Variants in FAM171A1 observed in about 807,000 individuals in gnomAD.
FAM171A1 encodes the protein family with sequence similarity 171 member A1.
Under a neutral mutation model 74.9 loss-of-function variants are expected in FAM171A1, and 23 were observed. The ratio of observed to expected loss-of-function variants is 0.31; its 90% CI spans 0.22 to 0.44. The LOEUF (loss-of-function observed/expected upper bound fraction) is 0.44, where lower values mean the gene tolerates loss of function less well. Among genes scored for constraint, FAM171A1 ranks in the 20% least tolerant of loss-of-function variants. The pLI, the probability that FAM171A1 is intolerant of heterozygous loss-of-function variation, is 1.00. For missense variants in FAM171A1, 1,162 were observed against 1,159.2 expected, an observed-to-expected ratio of 1.00 and a Z score of -0.03; for synonymous variants, 527 against 505.7, an observed-to-expected ratio of 1.04 and a Z score of -0.57.
chr10:15,275,071 G>A (rs10906879), intron 3 of FAM171A1, among the ~76,000 whole-genome samples: 44,871 of 151,870 alleles, frequency 0.3, 7,907 homozygotes, highest in East Asian at 0.57. Flanking sequence ...TTGGACACAG[G>A]GTGGGAAACA....
intron 1 of FAM171A1, among the ~76,000 whole-genome samples, chr10:15,343,266 G>A (rs11598176): frequency 0.43 from 64,674 of 152,028 alleles, 13,981 homozygotes; most frequent in Non-Finnish European, 0.49. Flanking sequence ...TTACACAGGG[G>A]GCTGAGGTGG....
rs373999549 is a variant in FAM171A1 at position 15,292,781 on chromosome 10, G to A, written c.98-8676C>T. Among the ~76,000 whole-genome samples, 13 of 152,020 alleles carry A rather than the reference G, an allele frequency of 8.6e-5. No individual in the cohort carries two copies. In the East Asian group the frequency reaches 2.1e-3, roughly 25 times the overall value. On this transcript the variant is annotated intron_variant, in intron 1 of 7. Transcript: ENST00000378116. ...GATTACAGGGGTGAGCCACTGCACC[G>A]ACCACCATAAATATTCCCACTTAAA...
At chr10:15,333,439 G>A (rs1373650023) in intron 1 of FAM171A1, among the ~76,000 whole-genome samples, 2 of 152,246 alleles carry the variant, frequency 1.3e-5, no homozygotes, top group Admixed American at 1.3e-4. Flanking sequence ...GGCGGAGGGT[G>A]CAGTGAGCTG....
intron 1 of FAM171A1, among the ~76,000 whole-genome samples, chr10:15,347,704 TG>T (rs1835832328): frequency 6.6e-6 from 1 of 151,710 alleles, no homozygotes; most frequent in African/African-American, 2.4e-5. Flanking sequence ...GGCGTGGTGG[TG>T]CGCACCTGTA....
chr10:15,348,691 G>A (rs951139784), intron 1 of FAM171A1, among the ~76,000 whole-genome samples: 6 of 152,120 alleles, frequency 3.9e-5, no homozygotes, highest in Admixed American at 6.6e-5. Context: ...AGCCTCTCAG[G>A]GGCCACACGG....
At chr10:15,238,657 G>C (rs771327147) in intron 5 of FAM171A1, among the ~76,000 whole-genome samples, 2 of 152,076 alleles carry the variant, frequency 1.3e-5, no homozygotes, top group African/African-American at 4.8e-5. Context: ...TGTCATAGCC[G>C]TAACATTCAC....
chr10:15,366,690 T>C lies in FAM171A1; in HGVS notation c.97+4266A>G, dbSNP rs186496361. ...CTCCTCTCTCTAGATCTCTGAAATA[T>C]GCTTTATTCAATTTTTTCTTCATGA... On this transcript the variant is annotated intron_variant, in intron 1 of 7. Coordinates refer to ENST00000378116, the MANE Select transcript of FAM171A1 (RefSeq NM_001010924.2). 4.7e-4 allele frequency among the ~76,000 whole-genome samples: 71 copies of C among 152,374 alleles called. 1 individual carries two copies. In the East Asian group the frequency reaches 0.012, roughly 26 times the overall value.
chr10:15,218,246 A>AT (rs1833992466), intron 6 of FAM171A1, among the ~76,000 whole-genome samples: 1 of 151,400 alleles, frequency 6.6e-6, no homozygotes, highest in Non-Finnish European at 1.5e-5. Flanking sequence ...TGCCTGGCAA[A>AT]TTTTTTGTAT....
intron 3 of FAM171A1, among the ~76,000 whole-genome samples, chr10:15,267,091 C>G (rs1292226568): frequency 2.0e-5 from 3 of 152,174 alleles, no homozygotes; most frequent in African/African-American, 7.2e-5. Flanking sequence ...CTTCCGAAAT[C>G]TGGCTCCAAT....
At position 15,248,656 on chromosome 10, in the gene FAM171A1, C is replaced by A. The variant is rs745903649; in HGVS notation, c.737G>T (p.Arg246Leu). The stretch of plus-strand genomic sequence containing the variant: ...TTGCTTACCCAGCTTCTGGTCAAAC[C>A]GCCACGCCGCGACATAGGCATTGTG... ...LRHNAYVAAW[R>L]FDQKLGTWLK... The change falls in exon 5 of 8, where the codon CGG becomes CTG. Residue 246 changes from arginine to leucine, a missense_variant. Physicochemically the swap from Arg to Leu is moderately radical, Grantham distance 102. Transcript: ENST00000378116. 6.2e-7 allele frequency: 1 copy of A among 1,607,556 alleles called. No individual in the cohort carries two copies. The highest frequency in any genetic ancestry group is 8.5e-7 in the Non-Finnish European group (1 of 1,176,948).
At chr10:15,301,172 T>C (rs1289705671) in intron 1 of FAM171A1, among the ~76,000 whole-genome samples, 1 of 152,060 alleles carries the variant, frequency 6.6e-6, no homozygotes, top group Non-Finnish European at 1.5e-5. Flanking sequence ...GCTATCTCTT[T>C]AAGGATGTTT....
intron 5 of FAM171A1, among the ~76,000 whole-genome samples, chr10:15,242,190 G>C (rs1834372006): frequency 6.6e-6 from 1 of 151,846 alleles, no homozygotes; most frequent in Non-Finnish European, 1.5e-5. Flanking sequence ...TTTTTTTCCT[G>C]ATCTAATACC....
intron 6 of FAM171A1, among the ~76,000 whole-genome samples, chr10:15,220,090 C>T (rs1834018253): frequency 6.6e-6 from 1 of 152,198 alleles, no homozygotes; most frequent in African/African-American, 2.4e-5. Flanking sequence ...GGTTCATTTA[C>T]AAGAGACACC....
At chr10:15,354,676 A>G (rs1465288991) in intron 1 of FAM171A1, among the ~76,000 whole-genome samples, 1 of 152,200 alleles carries the variant, frequency 6.6e-6, no homozygotes, top group African/African-American at 2.4e-5. Flanking sequence ...GCTCCCGCTG[A>G]CCCAGCACCG....
intron 1 of FAM171A1, among the ~76,000 whole-genome samples, chr10:15,326,337 C>T (rs569674497): frequency 4.7e-4 from 72 of 151,936 alleles, no homozygotes; most frequent in African/African-American, 1.4e-3. Context: ...TGTTTTGAGA[C>T]GGCATCTCGC....
chr10:15,283,283 C>G (rs546435541), intron 2 of FAM171A1, among the ~76,000 whole-genome samples: 1 of 152,206 alleles, frequency 6.6e-6, no homozygotes. Flanking sequence ...GCTGAAAACC[C>G]GAAGTCCAAC....
In FAM171A1 at chr10:15,225,114, G is replaced by A. The variant is rs186608679; in HGVS notation, c.755-4054C>T. The stretch of plus-strand genomic sequence containing the variant: ...ACGTTGCCTTCCGTGGCTAGCCTGT[G>A]GCCCTCAGTCTTATCTCCTTTCTTA... On this transcript the variant is annotated intron_variant, in intron 5 of 7. Coordinates refer to ENST00000378116, the MANE Select transcript of FAM171A1 (RefSeq NM_001010924.2). Among the ~76,000 whole-genome samples, 5 of 152,334 alleles carry A rather than the reference G, an allele frequency of 3.3e-5. No homozygotes were observed. In the East Asian group the frequency reaches 9.6e-4, roughly 29 times the overall value.
intron 2 of FAM171A1, among the ~76,000 whole-genome samples, chr10:15,280,955 A>G (rs1645296522): frequency 6.6e-6 from 1 of 152,076 alleles, no homozygotes; most frequent in Non-Finnish European, 1.5e-5. Flanking sequence ...CCCAAATCTC[A>G]CGTCGAATTG....
chr10:15,300,428 A>G (rs1243036419), intron 1 of FAM171A1, among the ~76,000 whole-genome samples: 2 of 152,050 alleles, frequency 1.3e-5, no homozygotes, highest in African/African-American at 4.8e-5. Flanking sequence ...CTTCTTGAAA[A>G]CACTGTAAGA....
Sources: gnomAD v4.1 joint callset for allele counts (sites outside exome capture counted in the v4.1 genomes callset) on GRCh38, gnomAD v4.1.1 for gene constraint, MANE v1.5 for transcripts, NCBI Gene and HGNC (gene_info 2026-07-23, HGNC 2026-07-21) for gene names.